CSMD1: variants seen among roughly 807,000 people sequenced by gnomAD.
CSMD1 encodes CUB and Sushi multiple domains 1.
CSMD1 carries 213 observed loss-of-function variants against 417.5 expected under a neutral mutation model. That is an observed-to-expected ratio of 0.51 (90% confidence interval 0.46 to 0.57). The LOEUF is 0.57. Among genes scored for constraint, CSMD1 ranks in the 20% least tolerant of loss-of-function variants. CSMD1 has a pLI of 0.00. For synonymous variants in CSMD1, 2,862 were observed against 1,736.8 expected (o/e 1.65, Z -16.11); for missense variants, 6,923 against 4,529.7 (o/e 1.53, Z -15.17).
At chr8:3,745,545 G>C (rs940263059) in intron 6 of CSMD1, among the ~76,000 whole-genome samples, 12 of 152,172 alleles carry the variant, frequency 7.9e-5, no homozygotes, top group Admixed American at 7.9e-4. Flanking sequence ...ATTTTCAGTG[G>C]TTGCCACATT....
At chr8:4,378,798 G>C (rs572847481) in intron 3 of CSMD1, among the ~76,000 whole-genome samples, 23 of 152,260 alleles carry the variant, frequency 1.5e-4, no homozygotes, top group African/African-American at 5.3e-4. Flanking sequence ...CTTGTAAGAC[G>C]TCAAGGGAGC....
In CSMD1 at chr8:4,202,021, G is replaced by A. The variant is rs1220373704; in HGVS notation, c.416-169922C>T. On this transcript the variant is annotated intron_variant, in intron 3 of 69. Transcript: ENST00000635120. ...GATTATACTCTGGATGAGAAGAAAC[G>A]AGGACATTGGAATCTCCCAGTCCTG... Among the ~76,000 whole-genome samples, 8 of 152,042 alleles carry A rather than the reference G, an allele frequency of 5.3e-5. No homozygotes were observed. In the South Asian group the frequency reaches 1.0e-3, roughly 20 times the overall value.
At chr8:3,787,905 T>A (rs1223699293) in intron 5 of CSMD1, among the ~76,000 whole-genome samples, 1 of 152,174 alleles carries the variant, frequency 6.6e-6, no homozygotes. Context: ...TTTTGCCAGA[T>A]TAAATCTCTG....
At chr8:3,982,213 A>ATAG (rs1813938351) in intron 5 of CSMD1, among the ~76,000 whole-genome samples, 1 of 148,998 alleles carries the variant, frequency 6.7e-6, no homozygotes, top group African/African-American at 2.4e-5. Context: ...AATAATAATA[A>ATAG]TAAACTAGTT....
At chr8:4,108,017 C>G (rs954459044) in intron 3 of CSMD1, among the ~76,000 whole-genome samples, 2 of 150,482 alleles carry the variant, frequency 1.3e-5, no homozygotes, top group Non-Finnish European at 2.9e-5. Context: ...GACAGAAAGA[C>G]TGCAGGGGAG....
At chr8:4,381,468 G>C (rs957865759) in intron 3 of CSMD1, among the ~76,000 whole-genome samples, 12 of 152,180 alleles carry the variant, frequency 7.9e-5, no homozygotes, top group African/African-American at 2.7e-4. Context: ...GTGTGCTAAA[G>C]ATCATTGTCT....
At chr8:4,188,784 A>G (rs1273540679) in intron 3 of CSMD1, among the ~76,000 whole-genome samples, 1 of 138,074 alleles carries the variant, frequency 7.2e-6, no homozygotes, top group Non-Finnish European at 1.5e-5. Context: ...AAGAAGATAA[A>G]GAAACTCCAG....
rs888161566 is a variant in CSMD1 at position 3,635,692 on chromosome 8, C to G, written c.1010-18895G>C. 3.5e-4 allele frequency among the ~76,000 whole-genome samples: 53 copies of G among 150,134 alleles called. 1 individual carries two copies. Among genetic ancestry groups the G allele is most frequent in the Admixed American group, 2.3e-3 (35 of 15,048 alleles). Reference sequence around the variant, plus strand: ...TAGAGACGGGGATTCACTGTGTTAGCCAGGATGGTCTCAATCTCCTGACCT... The same window carrying G: ...TAGAGACGGGGATTCACTGTGTTAGGCAGGATGGTCTCAATCTCCTGACCT... On this transcript the variant is annotated intron_variant, in intron 7 of 69. Transcript: ENST00000635120.
At chr8:4,001,378 T>C (rs1317454304) in intron 4 of CSMD1, among the ~76,000 whole-genome samples, 1 of 152,160 alleles carries the variant, frequency 6.6e-6, no homozygotes, top group Non-Finnish European at 1.5e-5. Flanking sequence ...GTTTCTCCAC[T>C]GCTGGAAGGT....
intron 50 of CSMD1, among the ~76,000 whole-genome samples, chr8:3,039,441 TTTC>T (rs900849148): frequency 1.4e-5 from 2 of 142,932 alleles, no homozygotes; most frequent in Admixed American, 7.0e-5. Context: ...TCCTCCCTCC[TTTC>T]TTCCTTTCCT....
chr8:4,198,726 G>C (rs1799481565), intron 3 of CSMD1, among the ~76,000 whole-genome samples: 1 of 151,878 alleles, frequency 6.6e-6, no homozygotes, highest in South Asian at 2.1e-4. Context: ...AATATAATTG[G>C]TTTTCTTTGT....
chr8:4,158,598 A>G (rs1260689335), intron 3 of CSMD1, among the ~76,000 whole-genome samples: 14 of 151,940 alleles, frequency 9.2e-5, no homozygotes, highest in Admixed American at 9.2e-4. Flanking sequence ...CCTCCTTCTT[A>G]TTTTTCTGGC....
intron 45 of CSMD1, chr8:3,106,957 T>C (rs1165798739): frequency 4.4e-5 from 10 of 225,780 alleles, no homozygotes; most frequent in South Asian, 1.8e-4. Context: ...GTAGAAGCTA[T>C]GGTTTAAGCA....
intron 5 of CSMD1, among the ~76,000 whole-genome samples, chr8:3,959,515 G>A (rs990233215): frequency 1.3e-5 from 2 of 152,042 alleles, no homozygotes; most frequent in Non-Finnish European, 2.9e-5. Flanking sequence ...AATAATCAAA[G>A]AACAAACCAA....
intron 4 of CSMD1, among the ~76,000 whole-genome samples, chr8:4,012,782 T>A (rs1796335432): frequency 6.6e-6 from 1 of 152,184 alleles, no homozygotes; most frequent in African/African-American, 2.4e-5. Context: ...ATCTGCAATC[T>A]CACAGTCTTC....
intron 3 of CSMD1, among the ~76,000 whole-genome samples, chr8:4,131,411 T>A (rs2130981239): frequency 6.6e-6 from 1 of 152,290 alleles, no homozygotes; most frequent in Non-Finnish European, 1.5e-5. Flanking sequence ...GAGCTATTTG[T>A]ACCACCTCTC....
intron 37 of CSMD1, among the ~76,000 whole-genome samples, chr8:3,177,672 A>C (rs919056842): frequency 5.3e-5 from 8 of 152,174 alleles, no homozygotes; most frequent in Admixed American, 1.3e-4. Flanking sequence ...AGATGGGGTA[A>C]ATAGAAACAC....
chr8:3,272,693 A>G (rs1456132539), intron 26 of CSMD1, among the ~76,000 whole-genome samples: 1 of 142,210 alleles, frequency 7.0e-6, no homozygotes. Flanking sequence ...CTTCGAAGCA[A>G]TTGTGAATGG....
intron 1 of CSMD1, among the ~76,000 whole-genome samples, chr8:4,952,384 C>G (rs1808812626): frequency 6.6e-6 from 1 of 151,894 alleles, no homozygotes; most frequent in Non-Finnish European, 1.5e-5. Flanking sequence ...AATGTCCACA[C>G]AGTTTCACAC....
Sources: gnomAD v4.1 joint callset for allele counts (sites outside exome capture counted in the v4.1 genomes callset) on GRCh38, gnomAD v4.1.1 for gene constraint, MANE v1.5 for transcripts, NCBI Gene and HGNC (gene_info 2026-07-23, HGNC 2026-07-21) for gene names.